TANK: variants seen among roughly 807,000 people sequenced by gnomAD.
TANK encodes TRAF family member-associated NF-kappa-B activator.
In TANK, 15 loss-of-function variants were observed where a neutral mutation model predicts 43.6. The observed-to-expected ratio is 0.34, with a 90% confidence interval of 0.23 to 0.53. TANK has a LOEUF of 0.53. Ranked by LOEUF, TANK falls within the 20% of genes least tolerant of loss-of-function variation. The probability of loss-of-function intolerance (pLI) is 0.94; values close to 1 mark genes in which losing one functional copy is unlikely to be tolerated. For missense variants in TANK, 417 were observed against 498.6 expected, an observed-to-expected ratio of 0.84 and a Z score of 1.56; for synonymous variants, 162 against 178.2, an observed-to-expected ratio of 0.91 and a Z score of 0.73.
At chr2:161,228,399 C>T (rs140915595) in intron 6 of TANK, among the ~76,000 whole-genome samples, 141 of 152,234 alleles carry the variant, frequency 9.3e-4, no homozygotes, top group African/African-American at 2.8e-3. Context: ...GGCGTGGTGA[C>T]GCATGCCCGT....
intron 1 of TANK, among the ~76,000 whole-genome samples, chr2:161,174,304 A>G (rs1685084325): frequency 6.6e-6 from 1 of 152,122 alleles, no homozygotes; most frequent in African/African-American, 2.4e-5. Flanking sequence ...TATTGAATAA[A>G]CAAAAGTCAC....
chr2:161,166,254 T>C (rs1684673938), intron 1 of TANK, among the ~76,000 whole-genome samples: 1 of 152,248 alleles, frequency 6.6e-6, no homozygotes, highest in African/African-American at 2.4e-5. Context: ...TTATATCAGC[T>C]GCCTGGATGG....
chr2:161,220,211 TCTTTA>T (rs781033060), intron 4 of TANK, among the ~76,000 whole-genome samples: 69 of 152,216 alleles, frequency 4.5e-4, no homozygotes, highest in Non-Finnish European at 6.3e-4. Context: ...AAACTAACCT[TCTTTA>T]CTTAATAGAA....
intron 7 of TANK, 133 bp from the exon 8 acceptor site, chr2:161,235,209 A>G: frequency 2.8e-6 from 2 of 726,160 alleles, no homozygotes; most frequent in Non-Finnish European, 4.2e-6. Flanking sequence ...ACTTTACGGA[A>G]AAGTAATTTG....
chr2:161,222,615 C>T (rs1463997756), intron 4 of TANK, among the ~76,000 whole-genome samples: 1 of 152,020 alleles, frequency 6.6e-6, no homozygotes, highest in Admixed American at 6.6e-5. Context: ...TAAAAACAAA[C>T]TGTGAATGTG....
At chr2:161,168,701 C>T (rs943809020) in intron 1 of TANK, among the ~76,000 whole-genome samples, 8 of 152,048 alleles carry the variant, frequency 5.3e-5, no homozygotes, top group African/African-American at 1.4e-4. Context: ...GGTGTGGTGG[C>T]GTGCGCCTGT....
chr2:161,199,411 C>G (rs1360673068), intron 2 of TANK, among the ~76,000 whole-genome samples: 1 of 151,252 alleles, frequency 6.6e-6, no homozygotes, highest in East Asian at 1.9e-4. Context: ...TTTTTTTCCC[C>G]TATGTAAGAA....
chr2:161,175,265 G>A (rs140284187), intron 1 of TANK, among the ~76,000 whole-genome samples: 12 of 152,132 alleles, frequency 7.9e-5, no homozygotes, highest in African/African-American at 2.9e-4. Context: ...AACACCCTGG[G>A]AGAGCACTTT....
chr2:161,220,450 A>G (rs192699569), intron 4 of TANK, among the ~76,000 whole-genome samples: 190 of 152,272 alleles, frequency 1.2e-3, no homozygotes, highest in South Asian at 4.6e-3. Flanking sequence ...TAAATATACA[A>G]AAATTACTCG....
intron 2 of TANK, among the ~76,000 whole-genome samples, chr2:161,201,712 TA>T (rs1686421559): frequency 6.6e-6 from 1 of 152,166 alleles, no homozygotes; most frequent in Non-Finnish European, 1.5e-5. Flanking sequence ...CTAAGGTATT[TA>T]GAATTTGCTG....
At chr2:161,160,578 A>G (rs1439393218) in intron 1 of TANK, 92 bp downstream of exon 1, 36 of 1,060,500 alleles carry the variant, frequency 3.4e-5, no homozygotes, top group Admixed American at 1.3e-4. Flanking sequence ...ACGCGCTGAC[A>G]GTAGGGGCGC....
chr2:161,203,826 A>T (rs62194242), intron 3 of TANK, among the ~76,000 whole-genome samples: 3 of 152,144 alleles, frequency 2.0e-5, no homozygotes, highest in Non-Finnish European at 4.4e-5. Context: ...AAACTTCCTA[A>T]AAAGCAATTT....
chr2:161,149,784 C>A (rs1333186540), intron 1 of TANK, among the ~76,000 whole-genome samples: 1 of 151,012 alleles, frequency 6.6e-6, no homozygotes, highest in South Asian at 2.1e-4. Context: ...TGGTGCATTG[C>A]CCGAAGTGAT....
At chr2:161,160,249 T>A (rs1328781107), upstream of TANK, 4 of 261,358 alleles carry the variant, frequency 1.5e-5, no homozygotes, top group African/African-American at 8.9e-5. Flanking sequence ...GGGACTTGGC[T>A]GGGCAGGGCT....
chr2:161,195,869 G>C (rs1686124202), intron 2 of TANK, among the ~76,000 whole-genome samples: 1 of 152,060 alleles, frequency 6.6e-6, no homozygotes, highest in Admixed American at 6.6e-5. Context: ...CAGATCACTT[G>C]AGGTCAGGAG....
intron 1 of TANK, among the ~76,000 whole-genome samples, chr2:161,144,813 C>T (rs901259646): frequency 6.6e-6 from 1 of 152,020 alleles, no homozygotes; most frequent in Non-Finnish European, 1.5e-5. Context: ...TCTATTAGGT[C>T]CACTTGATCC....
chr2:161,234,626 C>T (rs1032067469), intron 7 of TANK, among the ~76,000 whole-genome samples: 1 of 152,132 alleles, frequency 6.6e-6, no homozygotes, highest in South Asian at 2.1e-4. Flanking sequence ...TTTAACCAGG[C>T]AACTATTGAC....
At chr2:161,163,001 G>T (rs1333337589) in intron 1 of TANK, 1 of 152,068 alleles carries the variant, frequency 6.6e-6, no homozygotes, top group Admixed American at 6.5e-5. Context: ...CCAATCTTAC[G>T]CTTGGTCATG....
rs115498790 is a variant in TANK at position 161,174,617 on chromosome 2, A to G, written c.-49-4997A>G. On this transcript the variant is annotated intron_variant, in intron 1 of 7. Coordinates refer to ENST00000392749, the MANE Select transcript of TANK (RefSeq NM_001199135.3). ...TAGTTTGGTAATGTTATACAATTAT[A>G]AAGTTAAAGGAGATTCTATTATCCA... Among the ~76,000 whole-genome samples, 705 of 152,318 alleles carry G rather than the reference A, an allele frequency of 4.6e-3. 3 individuals carry two copies. Among genetic ancestry groups the G allele is most frequent in the Non-Finnish European group, 7.7e-3 (525 of 68,004 alleles).
Sources: gnomAD v4.1 joint callset for allele counts (sites outside exome capture counted in the v4.1 genomes callset) on GRCh38, gnomAD v4.1.1 for gene constraint, MANE v1.5 for transcripts, NCBI Gene and HGNC (gene_info 2026-07-23, HGNC 2026-07-21) for gene names.